RIMS1: variants seen among roughly 807,000 people sequenced by gnomAD.
The protein encoded by RIMS1 is regulating synaptic membrane exocytosis protein 1.
A neutral mutation model predicts 214.1 loss-of-function variants in RIMS1; 83 were observed. That is an observed-to-expected ratio of 0.39 (90% confidence interval 0.32 to 0.47). The LOEUF is 0.47. Ranked by LOEUF, RIMS1 falls within the 20% of genes least tolerant of loss-of-function variation. The pLI, the probability that RIMS1 is intolerant of heterozygous loss-of-function variation, is 0.99. For synonymous variants in RIMS1, 793 were observed against 786.8 expected (o/e 1.01, Z -0.13); for missense variants, 2,050 against 2,161.8 (o/e 0.95, Z 1.03).
At chr6:72,249,904 G>GT (rs1037145648) in intron 12 of RIMS1, among the ~76,000 whole-genome samples, 22 of 151,706 alleles carry the variant, frequency 1.5e-4, no homozygotes, top group South Asian at 2.1e-4. Context: ...CCAAACTCTT[G>GT]TTTTTTTTAA....
chr6:72,334,374 T>C (rs931378555), intron 29 of RIMS1, among the ~76,000 whole-genome samples: 1 of 151,844 alleles, frequency 6.6e-6, no homozygotes, highest in Non-Finnish European at 1.5e-5. Flanking sequence ...ATGCAAGGAG[T>C]AATGTTTTAA....
At chr6:71,963,998 A>G (rs1055535940) in intron 1 of RIMS1, among the ~76,000 whole-genome samples, 1 of 152,142 alleles carries the variant, frequency 6.6e-6, no homozygotes, top group Non-Finnish European at 1.5e-5. Flanking sequence ...TCTGATCTTG[A>G]GTAGTTCGTA....
chr6:72,251,118 T>C (rs1284590675), intron 14 of RIMS1, 26 bp downstream of exon 14: 1 of 1,562,554 alleles, frequency 6.4e-7, no homozygotes, highest in Non-Finnish European at 8.7e-7. Context: ...AAAACTCAAG[T>C]CAAATAGTTA....
intron 2 of RIMS1, among the ~76,000 whole-genome samples, chr6:71,991,388 T>C (rs1193441162): frequency 1.3e-5 from 2 of 152,226 alleles, no homozygotes; most frequent in Non-Finnish European, 2.9e-5. Context: ...CATATTCTTT[T>C]TTGGTAGCAC....
chr6:72,096,242 A>G (rs773426551), intron 2 of RIMS1, among the ~76,000 whole-genome samples: 92 of 152,246 alleles, frequency 6.0e-4, no homozygotes, highest in Non-Finnish European at 1.2e-3. Flanking sequence ...AAAAATCTGC[A>G]TATCTACAAG....
chr6:72,342,656 T>TGG (rs1564309712), intron 29 of RIMS1, among the ~76,000 whole-genome samples: 1 of 147,426 alleles, frequency 6.8e-6, no homozygotes, highest in Non-Finnish European at 1.5e-5. Flanking sequence ...TGTGTGTGTG[T>TGG]GGGCATGCAT....
At chr6:72,020,850 T>C (rs753208347) in intron 2 of RIMS1, among the ~76,000 whole-genome samples, 3 of 152,188 alleles carry the variant, frequency 2.0e-5, no homozygotes, top group Non-Finnish European at 4.4e-5. Context: ...TGACTGAATT[T>C]ACCCACATTT....
chr6:72,270,355 A>T (rs2082428720), intron 22 of RIMS1, among the ~76,000 whole-genome samples: 1 of 152,168 alleles, frequency 6.6e-6, no homozygotes, highest in Admixed American at 6.5e-5. Flanking sequence ...CAGTTATCTC[A>T]TTTTGTTTGG....
intron 29 of RIMS1, among the ~76,000 whole-genome samples, chr6:72,360,449 C>T (rs976007331): frequency 1.3e-5 from 2 of 152,034 alleles, no homozygotes; most frequent in South Asian, 2.1e-4. Flanking sequence ...TGAGAAAATG[C>T]CAAAGGGTCT....
intron 29 of RIMS1, among the ~76,000 whole-genome samples, chr6:72,360,829 A>G (rs2097788554): frequency 6.7e-6 from 1 of 150,350 alleles, no homozygotes. Flanking sequence ...ATTTGACTAA[A>G]TGCATTCTAA....
At chr6:72,234,954 G>C (rs1331548735) in intron 7 of RIMS1, among the ~76,000 whole-genome samples, 2 of 151,924 alleles carry the variant, frequency 1.3e-5, no homozygotes, top group Non-Finnish European at 2.9e-5. Context: ...GATATGCCCA[G>C]TTTGTTCATC....
chr6:72,235,694 T>C lies in RIMS1; in HGVS notation c.1823T>C (p.Met608Thr), dbSNP rs764921828. 28 of 1,609,172 alleles carry C rather than the reference T, an allele frequency of 1.7e-5. No homozygotes were observed. The highest frequency in any genetic ancestry group is 1.7e-4 in the Middle Eastern group (1 of 6,050). The stretch of plus-strand genomic sequence containing the variant: ...GTTATTCTTAACAAGAGAACAACCA[T>C]GCCCAAAGACTCAGGTGCATTGCTG... ...GRVILNKRTT[M>T]PKDSGALLGL... The change falls in exon 8 of 34, where the codon ATG (methionine) becomes ACG (threonine). Residue 608 changes from methionine (M) to threonine (T), a missense_variant. Physicochemically the swap from Met to Thr is moderately conservative, Grantham distance 81. Coordinates refer to ENST00000521978, the MANE Select transcript of RIMS1 (RefSeq NM_014989.7).
chr6:71,907,610 C>G (rs1775632411), intron 1 of RIMS1, among the ~76,000 whole-genome samples: 2 of 146,588 alleles, frequency 1.4e-5, no homozygotes, highest in African/African-American at 5.1e-5. Flanking sequence ...GACATCACAG[C>G]TCTACACCTT....
chr6:72,006,361 G>A (rs1283282166), intron 2 of RIMS1, among the ~76,000 whole-genome samples: 2 of 152,176 alleles, frequency 1.3e-5, no homozygotes, highest in Non-Finnish European at 2.9e-5. Context: ...GTTCCAAGAT[G>A]GCCAAATAGG....
At chr6:72,300,418 A>T (rs562870426) in intron 26 of RIMS1, among the ~76,000 whole-genome samples, 2 of 151,892 alleles carry the variant, frequency 1.3e-5, no homozygotes, top group East Asian at 3.9e-4. Context: ...CAAAAATCAA[A>T]TTTAAATTTA....
intron 28 of RIMS1, among the ~76,000 whole-genome samples, chr6:72,314,332 G>T (rs1323087942): frequency 6.6e-6 from 1 of 152,180 alleles, no homozygotes; most frequent in Non-Finnish European, 1.5e-5. Flanking sequence ...TTATAGTCGT[G>T]TAACCTAAAA....
chr6:72,205,396 A>C (rs980793456), intron 6 of RIMS1, among the ~76,000 whole-genome samples: 1 of 152,182 alleles, frequency 6.6e-6, no homozygotes, highest in African/African-American at 2.4e-5. Context: ...AGAAAGAATA[A>C]GAGCTCTAAA....
intron 4 of RIMS1, among the ~76,000 whole-genome samples, chr6:72,174,663 A>C (rs2153959396): frequency 6.6e-6 from 1 of 152,334 alleles, no homozygotes; most frequent in Non-Finnish European, 1.5e-5. Context: ...AGATATTAAA[A>C]TGCTTTAGAA....
At chr6:72,302,337 T>C (rs1183879926) in intron 26 of RIMS1, among the ~76,000 whole-genome samples, 1 of 151,714 alleles carries the variant, frequency 6.6e-6, no homozygotes, top group African/African-American at 2.4e-5. Context: ...TTTTGAATTT[T>C]CAAATAAACC....
Sources: gnomAD v4.1 joint callset for allele counts (sites outside exome capture counted in the v4.1 genomes callset) on GRCh38, gnomAD v4.1.1 for gene constraint, MANE v1.5 for transcripts, NCBI Gene and HGNC (gene_info 2026-07-23, HGNC 2026-07-21) for gene names.